The following FBXL17 variants were observed in gnomAD, a reference collection of about 807,000 sequenced individuals.
The protein encoded by FBXL17 is F-box and leucine rich repeat protein 17.
FBXL17 carries 22 observed loss-of-function variants against 66.2 expected under a neutral mutation model. The ratio of observed to expected loss-of-function variants is 0.33; its 90% CI spans 0.24 to 0.47. The LOEUF (loss-of-function observed/expected upper bound fraction) is 0.47. Among genes scored for constraint, FBXL17 ranks in the 20% least tolerant of loss-of-function variants. The pLI, the probability that FBXL17 is intolerant of heterozygous loss-of-function variation, is 1.00. For synonymous variants in FBXL17, 474 were observed against 400.5 expected, an observed-to-expected ratio of 1.18 and a Z score of -2.19; for missense variants, 878 against 948.2, an observed-to-expected ratio of 0.93 and a Z score of 0.97.
intron 6 of FBXL17, among the ~76,000 whole-genome samples, chr5:108,184,192 G>A (rs1044019450): frequency 6.6e-6 from 1 of 152,160 alleles, no homozygotes; most frequent in Non-Finnish European, 1.5e-5. Flanking sequence ...AGATCGAGGC[G>A]GCGGGGCGGG....
In FBXL17 at chr5:108,013,757, T is replaced by C. The variant is rs111867033; in HGVS notation, c.1822+7168A>G. Among the ~76,000 whole-genome samples the C allele has an allele frequency of 4.9e-3, 750 of 152,284 alleles. 10 individuals are homozygous for C. The highest frequency in any genetic ancestry group is 0.018 in the African/African-American group (730 of 41,558). On this transcript the variant is annotated intron_variant, in intron 7 of 8. Coordinates refer to ENST00000542267, the MANE Select transcript of FBXL17 (RefSeq NM_001163315.3). ...TGAACCCCAGGATTAGAATGGAATT[T>C]AGAGATCATATAGGCTGATTTCCTA...
At chr5:107,899,683 A>C (rs1749505177) in intron 7 of FBXL17, among the ~76,000 whole-genome samples, 1 of 152,170 alleles carries the variant, frequency 6.6e-6, no homozygotes. Context: ...ACTGTACTTA[A>C]ATTTAGGTTA....
intron 7 of FBXL17, among the ~76,000 whole-genome samples, chr5:107,966,690 T>A (rs1280836463): frequency 6.6e-6 from 1 of 152,138 alleles, no homozygotes; most frequent in Non-Finnish European, 1.5e-5. Flanking sequence ...AAAATGTATA[T>A]AACAAAATTG....
chr5:108,337,373 T>A (rs1383647028), intron 4 of FBXL17, among the ~76,000 whole-genome samples: 3 of 151,860 alleles, frequency 2.0e-5, no homozygotes, highest in Admixed American at 6.6e-5. Context: ...CTGAAAAAAA[T>A]TTTATTTTTA....
intron 4 of FBXL17, among the ~76,000 whole-genome samples, chr5:108,312,319 T>C (rs184267271): frequency 2.0e-5 from 3 of 152,250 alleles, no homozygotes; most frequent in Admixed American, 2.0e-4. Context: ...CCTATACTTC[T>C]AATTTCCATG....
At chr5:108,377,381 T>C (rs1387005049) in intron 1 of FBXL17, among the ~76,000 whole-genome samples, 1 of 152,236 alleles carries the variant, frequency 6.6e-6, no homozygotes, top group Non-Finnish European at 1.5e-5. Context: ...AGCAAATACA[T>C]GGTTTTTCCT....
chr5:108,275,781 G>C (rs546043358), intron 4 of FBXL17, among the ~76,000 whole-genome samples: 32 of 152,300 alleles, frequency 2.1e-4, no homozygotes, highest in Admixed American at 1.2e-3. Flanking sequence ...TAACTCTAGA[G>C]CTTGCTCAAG....
In FBXL17 at chr5:108,380,735, T is replaced by C. The variant is rs933200617; in HGVS notation, c.957A>G (p.Pro319=). Reference sequence around the variant, plus strand: ...TGGACGGCGGCAGCTGGTTGATGTCTGGGGTTTCGGGGGGCGGCTCCCTGT... The same window carrying C: ...TGGACGGCGGCAGCTGGTTGATGTCCGGGGTTTCGGGGGGCGGCTCCCTGT... ...DCHREPPPET[P]DINQLPPSIL... The change falls in exon 1 of 9, where the codon CCA becomes CCG. Residue 319 remains proline, a synonymous_variant. Coordinates refer to ENST00000542267, the MANE Select transcript of FBXL17 (RefSeq NM_001163315.3). The C allele has an allele frequency of 9.6e-6, 12 of 1,247,594 alleles. No homozygotes were observed. Among genetic ancestry groups the C allele is most frequent in the Non-Finnish European group, 1.2e-5 (12 of 988,532 alleles). 77.3% of individuals were successfully genotyped at this position (1,247,594 alleles called of 1,614,324 possible). A position where few individuals can be genotyped will look rare whatever the true frequency, so the allele number is the denominator to read the frequency against.
At chr5:108,109,803 C>G (rs767916397) in intron 6 of FBXL17, among the ~76,000 whole-genome samples, 1 of 152,130 alleles carries the variant, frequency 6.6e-6, no homozygotes, top group Non-Finnish European at 1.5e-5. Flanking sequence ...AAGAGCAATA[C>G]ATGATTAAGA....
chr5:108,273,228 T>C (rs1335205387), intron 4 of FBXL17, among the ~76,000 whole-genome samples: 2 of 152,004 alleles, frequency 1.3e-5, no homozygotes, highest in African/African-American at 2.4e-5. Flanking sequence ...TTAGGAGATA[T>C]ACCTAATGCT....
intron 7 of FBXL17, among the ~76,000 whole-genome samples, chr5:107,938,123 C>G (rs1052357365): frequency 1.3e-5 from 2 of 152,154 alleles, no homozygotes; most frequent in African/African-American, 4.8e-5. Context: ...GTGCACTTGA[C>G]GACAGGCTTC....
chr5:108,225,175 ATTTATGACTGGCTTCT>A (rs1387019280), intron 4 of FBXL17, among the ~76,000 whole-genome samples: 5 of 152,154 alleles, frequency 3.3e-5, no homozygotes, highest in Non-Finnish European at 7.4e-5. Flanking sequence ...GTTTGTGACC[ATTTATGACTGGCTTCT>A]TTCACTTAGC....
intron 4 of FBXL17, among the ~76,000 whole-genome samples, chr5:108,229,938 AT>A (rs1447221389): frequency 6.6e-6 from 1 of 152,220 alleles, no homozygotes; most frequent in African/African-American, 2.4e-5. Flanking sequence ...AAAAGAAGAT[AT>A]TCAAATGGCC....
Position 108,260,573 on chromosome 5 carries a change from G to A in FBXL17, c.1507-36345C>T, listed in dbSNP as rs1043076388. ...ACATCGTATTACAAGGAGGGAAGAA[G>A]AGAACGGGTTCCTATACCCCTACAT... On this transcript the variant is annotated intron_variant, in intron 4 of 8. Transcript: ENST00000542267. 6.3e-4 allele frequency among the ~76,000 whole-genome samples: 96 copies of A among 152,220 alleles called. 1 individual carries two copies. Among genetic ancestry groups the A allele is most frequent in the South Asian group, 1.5e-3 (7 of 4,820 alleles).
At chr5:107,888,643 T>C (rs1749051387) in intron 7 of FBXL17, among the ~76,000 whole-genome samples, 1 of 152,194 alleles carries the variant, frequency 6.6e-6, no homozygotes, top group African/African-American at 2.4e-5. Context: ...TAGCTGCCCA[T>C]TATGCATGTG....
intron 6 of FBXL17, among the ~76,000 whole-genome samples, chr5:108,048,814 G>C (rs918431267): frequency 6.6e-6 from 1 of 152,246 alleles, no homozygotes; most frequent in Middle Eastern, 3.4e-3. Context: ...TACGTAAAAA[G>C]GCGGAACCTG....
chr5:108,058,890 G>T (rs1423513398), intron 6 of FBXL17, among the ~76,000 whole-genome samples: 2 of 152,162 alleles, frequency 1.3e-5, no homozygotes, highest in Non-Finnish European at 2.9e-5. Flanking sequence ...TATATTTGAT[G>T]ATTGTTTAGC....
At chr5:108,215,918 G>A (rs939264491) in intron 5 of FBXL17, among the ~76,000 whole-genome samples, 8 of 151,750 alleles carry the variant, frequency 5.3e-5, no homozygotes, top group South Asian at 2.1e-4. Context: ...TTTTGGATAC[G>A]GATATCCAGA....
intron 7 of FBXL17, among the ~76,000 whole-genome samples, chr5:107,925,882 A>G (rs190222624): frequency 6.6e-6 from 1 of 152,308 alleles, no homozygotes; most frequent in Admixed American, 6.5e-5. Flanking sequence ...ATATGCAAAC[A>G]GACTACTAAT....
Sources: gnomAD v4.1 joint callset for allele counts (sites outside exome capture counted in the v4.1 genomes callset) on GRCh38, gnomAD v4.1.1 for gene constraint, MANE v1.5 for transcripts, NCBI Gene and HGNC (gene_info 2026-07-23, HGNC 2026-07-21) for gene names.